ABCD2: variants seen among roughly 807,000 people sequenced by gnomAD.
ABCD2 encodes the protein ATP-binding cassette sub-family D member 2.
A neutral mutation model predicts 70.9 loss-of-function variants in ABCD2; 36 were observed. That is an observed-to-expected ratio of 0.51 (90% confidence interval 0.39 to 0.67). The LOEUF (loss-of-function observed/expected upper bound fraction) is 0.67, where lower values mean the gene tolerates loss of function less well. Among genes scored for constraint, ABCD2 ranks in the 30% least tolerant of loss-of-function variants. The pLI is 0.00. For missense variants in ABCD2, 729 were observed against 890.2 expected, an observed-to-expected ratio of 0.82 and a Z score of 2.30; for synonymous variants, 304 against 306.9, an observed-to-expected ratio of 0.99 and a Z score of 0.10.
intron 6 of ABCD2, among the ~76,000 whole-genome samples, chr12:39,595,889 C>T (rs188845349): frequency 3.9e-5 from 6 of 152,190 alleles, no homozygotes; most frequent in African/African-American, 1.4e-4. Flanking sequence ...TAGCTAGAGA[C>T]TGGGAAAATG....
chr12:39,615,467 A>G (rs184125877), intron 2 of ABCD2, among the ~76,000 whole-genome samples: 1 of 152,160 alleles, frequency 6.6e-6, no homozygotes, highest in East Asian at 1.9e-4. Flanking sequence ...GATTATGTCT[A>G]AAATACTATT....
At chr12:39,598,309 T>A (rs963478350) in intron 6 of ABCD2, among the ~76,000 whole-genome samples, 2 of 152,216 alleles carry the variant, frequency 1.3e-5, no homozygotes, top group Admixed American at 1.3e-4. Context: ...ATTTCATACA[T>A]AAGTGTCAAT....
chr12:39,581,655 T>G (rs919589986), intron 7 of ABCD2, among the ~76,000 whole-genome samples: 1 of 152,190 alleles, frequency 6.6e-6, no homozygotes, highest in Non-Finnish European at 1.5e-5. Flanking sequence ...ATTCTGGGCT[T>G]AACTTTTTTT....
At chr12:39,560,216 T>A (rs1478529276) in intron 9 of ABCD2, among the ~76,000 whole-genome samples, 1 of 152,186 alleles carries the variant, frequency 6.6e-6, no homozygotes, top group Non-Finnish European at 1.5e-5. Context: ...TGTGTCCAAG[T>A]GTTCTCATTG....
At position 39,551,397 on chromosome 12, in the gene ABCD2, T is replaced by G. The variant is rs988122099; in HGVS notation, c.*2515A>C. The G allele has an allele frequency of 6.6e-6, 1 of 151,704 alleles. No individual in the cohort carries two copies. The highest frequency in any genetic ancestry group is 2.4e-5 in the African/African-American group (1 of 41,396). The allele number at this position is 151,704 out of a possible 1,614,324, so 9.4% of individuals were successfully genotyped here. On this transcript the variant is annotated 3_prime_UTR_variant, in exon 10 of 10. Coordinates refer to ENST00000308666, the MANE Select transcript of ABCD2 (RefSeq NM_005164.4). ...TTCTTTCTTTTTTCCTTTCCTCATC[T>G]ATCCCTTGCTGTATTCAAAAATGGC... is the stretch of plus-strand genomic sequence containing the variant.
At chr12:39,580,540 A>G (rs552637564) in intron 7 of ABCD2, among the ~76,000 whole-genome samples, 1 of 152,218 alleles carries the variant, frequency 6.6e-6, no homozygotes, top group Non-Finnish European at 1.5e-5. Flanking sequence ...CAAGAACAGA[A>G]TTAGATTCAT....
chr12:39,554,650 A>G (rs1367833211), intron 9 of ABCD2, among the ~76,000 whole-genome samples: 2 of 152,240 alleles, frequency 1.3e-5, no homozygotes, highest in Non-Finnish European at 2.9e-5. Context: ...TGATAGAAGA[A>G]ATGTTTTAAA....
At chr12:39,535,351 T>C in the ABCD2 span, among the ~76,000 whole-genome samples, 8 of 152,210 alleles carry the variant, frequency 5.3e-5, no homozygotes, top group Non-Finnish European at 1.0e-4. Flanking sequence ...ACTAGACCTC[T>C]CTATAAATCT....
intron 9 of ABCD2, among the ~76,000 whole-genome samples, chr12:39,572,985 T>G (rs1287968929): frequency 1.3e-5 from 2 of 152,138 alleles, no homozygotes; most frequent in African/African-American, 4.8e-5. Context: ...CCGTGTGCTG[T>G]AGTACAGAGT....
At chr12:39,575,104 C>G (rs1941498451) in intron 8 of ABCD2, among the ~76,000 whole-genome samples, 1 of 152,058 alleles carries the variant, frequency 6.6e-6, no homozygotes, top group South Asian at 2.1e-4. Context: ...TTTAAGTGAA[C>G]AAGAGGAAGA....
chr12:39,610,806 A>G (rs1942034854), intron 2 of ABCD2, among the ~76,000 whole-genome samples: 1 of 152,176 alleles, frequency 6.6e-6, no homozygotes, highest in Non-Finnish European at 1.5e-5. Context: ...TTTTTATTCT[A>G]CTAGTTGTTC....
chr12:39,582,403 T>A (rs1482788199), intron 7 of ABCD2, among the ~76,000 whole-genome samples: 2 of 152,334 alleles, frequency 1.3e-5, no homozygotes, highest in South Asian at 4.1e-4. Flanking sequence ...AATAATGATA[T>A]ATGTAAATTC....
chr12:39,559,887 T>C (rs975857579), intron 9 of ABCD2, among the ~76,000 whole-genome samples: 1 of 152,162 alleles, frequency 6.6e-6, no homozygotes, highest in Admixed American at 6.5e-5. Flanking sequence ...GTTCTTCACA[T>C]TGAAAGAAAT....
chr12:39,593,788 T>C (rs751106014), intron 6 of ABCD2, among the ~76,000 whole-genome samples: 1 of 152,234 alleles, frequency 6.6e-6, no homozygotes, highest in Non-Finnish European at 1.5e-5. Context: ...TTGCTTGTTT[T>C]ATATCTCAAC....
At chr12:39,561,366 TG>T (rs1384691395) in intron 9 of ABCD2, among the ~76,000 whole-genome samples, 1 of 140,446 alleles carries the variant, frequency 7.1e-6, no homozygotes, top group African/African-American at 2.8e-5. Context: ...CACTCCAGCC[TG>T]GGCTTCAAAG....
intron 7 of ABCD2, among the ~76,000 whole-genome samples, chr12:39,585,617 C>T (rs754975653): frequency 5.3e-4 from 81 of 152,062 alleles, no homozygotes; most frequent in African/African-American, 1.8e-3. Context: ...CTATTTTAAG[C>T]TTATATGTAC....
At chr12:39,578,228 A>G (rs1363938769) in intron 8 of ABCD2, among the ~76,000 whole-genome samples, 1 of 152,212 alleles carries the variant, frequency 6.6e-6, no homozygotes, top group Non-Finnish European at 1.5e-5. Context: ...TAATCCCAGC[A>G]CTTTGGGAGG....
At chr12:39,585,167 C>T (rs184384551) in intron 7 of ABCD2, among the ~76,000 whole-genome samples, 1 of 152,164 alleles carries the variant, frequency 6.6e-6, no homozygotes, top group East Asian at 1.9e-4. Flanking sequence ...GGATGGTTTT[C>T]CATTTGTGTC....
chr12:39,608,643 A>G (rs1942004508), intron 2 of ABCD2, among the ~76,000 whole-genome samples: 1 of 152,138 alleles, frequency 6.6e-6, no homozygotes, highest in African/African-American at 2.4e-5. Flanking sequence ...AGCGGAGATC[A>G]CACCACTACA....
Sources: allele counts gnomAD v4.1 joint callset (sites outside exome capture counted in the v4.1 genomes callset), GRCh38; gene constraint gnomAD v4.1.1; transcripts MANE v1.5; gene names NCBI Gene and HGNC (gene_info 2026-07-23, HGNC 2026-07-21).